TTC28: variants seen among roughly 807,000 people sequenced by gnomAD.
TTC28 encodes tetratricopeptide repeat domain 28.
A neutral mutation model predicts 198.0 loss-of-function variants in TTC28; 61 were observed. The observed-to-expected ratio is 0.31, with a 90% CI of 0.25 to 0.38. The LOEUF is 0.38. Ranked by LOEUF, TTC28 falls within the 10% of genes least tolerant of loss-of-function variation. The probability of loss-of-function intolerance (pLI) is 1.00; values close to 1 mark genes in which losing one functional copy is unlikely to be tolerated. For missense variants in TTC28, 2,678 were observed against 3,164.0 expected, an observed-to-expected ratio of 0.85 and a Z score of 3.69; for synonymous variants, 1,171 against 1,297.8, an observed-to-expected ratio of 0.90 and a Z score of 2.10.
chr22:28,032,194 TATATATATAAA>T (rs1464338612), intron 12 of TTC28, among the ~76,000 whole-genome samples: 1 of 116,204 alleles, frequency 8.6e-6, no homozygotes, highest in Non-Finnish European at 1.8e-5. Flanking sequence ...ATATAAAATA[TATATATATAAA>T]ATATATATAT....
intron 2 of TTC28, among the ~76,000 whole-genome samples, chr22:28,428,062 G>A (rs1413508670): frequency 1.3e-5 from 2 of 150,260 alleles, no homozygotes; most frequent in African/African-American, 4.9e-5. Context: ...ATTAATATAG[G>A]TATAATACTC....
intron 5 of TTC28, among the ~76,000 whole-genome samples, chr22:28,257,739 C>T (rs1047455739): frequency 8.3e-5 from 8 of 96,570 alleles, no homozygotes; most frequent in South Asian, 3.1e-4. Flanking sequence ...GGTAATAGAA[C>T]ATATATATAT....
intron 9 of TTC28, among the ~76,000 whole-genome samples, chr22:28,099,309 G>A (rs1208446624): frequency 2.6e-5 from 4 of 152,212 alleles, no homozygotes; most frequent in Non-Finnish European, 5.9e-5. Context: ...GACACCATGT[G>A]AGGCGCATTA....
chr22:28,096,088 C>T, intron 11 of TTC28, 102 bp downstream of exon 11: 4 of 1,386,414 alleles, frequency 2.9e-6, no homozygotes, highest in Non-Finnish European at 3.8e-6. Context: ...GACATCAGTT[C>T]CTTAGTATGA....
At chr22:28,081,758 C>T (rs1470428728) in intron 12 of TTC28, among the ~76,000 whole-genome samples, 1 of 152,170 alleles carries the variant, frequency 6.6e-6, no homozygotes, top group African/African-American at 2.4e-5. Context: ...TCCCAAAGTG[C>T]TGGGATTACA....
chr22:28,617,600 G>C (rs74503283), intron 2 of TTC28, among the ~76,000 whole-genome samples: 10,510 of 152,232 alleles, frequency 0.069, 527 homozygotes, highest in Non-Finnish European at 0.096. Flanking sequence ...TGAATTATAA[G>C]AACAGTCACA....
chr22:28,628,123 G>C (rs562859740), intron 2 of TTC28, among the ~76,000 whole-genome samples: 1 of 151,308 alleles, frequency 6.6e-6, no homozygotes, highest in South Asian at 2.1e-4. Flanking sequence ...CTCAAACCTG[G>C]GGGCTCAAGG....
chr22:28,261,212 T>C (rs1931296313), intron 5 of TTC28, among the ~76,000 whole-genome samples: 1 of 152,172 alleles, frequency 6.6e-6, no homozygotes, highest in Non-Finnish European at 1.5e-5. Context: ...GTTCTGGGTA[T>C]ATAACATAGA....
intron 2 of TTC28, among the ~76,000 whole-genome samples, chr22:28,435,059 A>G (rs746947727): frequency 2.0e-5 from 3 of 151,900 alleles, no homozygotes; most frequent in Admixed American, 6.6e-5. Context: ...AAATTGAGAG[A>G]TATCTACCAG....
At position 28,014,365 on chromosome 22, in the gene TTC28, G is replaced by C. The variant is rs1408770872; in HGVS notation, c.4101C>G (p.Phe1367Leu). ...CCTGGGTCGGTGACACAGTGTTACT[G>C]AACAGGCTCGTCATGCTCTGGCAGC... ...NRSCQSMTSL[F>L]SNTVSPTQDG... The change falls in exon 14 of 23, where the codon TTC becomes TTG. Residue 1367 changes from phenylalanine (F) to leucine (L), a missense_variant. By Grantham distance (22) the Phe-to-Leu change is conservative (BLOSUM62 0). Transcript: ENST00000397906. 4 of 1,551,182 alleles carry C rather than the reference G, an allele frequency of 2.6e-6. No individual in the cohort carries two copies. Among genetic ancestry groups the C allele is most frequent in the Non-Finnish European group, 3.5e-6 (4 of 1,146,844 alleles).
chr22:28,296,349 A>G (rs919547764), intron 4 of TTC28, 21 bp from the exon 5 acceptor site: 2 of 1,492,334 alleles, frequency 1.3e-6, no homozygotes, highest in African/African-American at 2.9e-5. Context: ...TTGAGAAAAA[A>G]AAAAAGAAAA....
chr22:28,388,948 TG>T (rs1207308609), intron 2 of TTC28, among the ~76,000 whole-genome samples: 1 of 152,196 alleles, frequency 6.6e-6, no homozygotes, highest in African/African-American at 2.4e-5. Flanking sequence ...TTCCAGTTTT[TG>T]CCCATTCAGT....
chr22:28,410,797 TAGAAAA>T (rs2047068973), intron 2 of TTC28, among the ~76,000 whole-genome samples: 1 of 152,026 alleles, frequency 6.6e-6, no homozygotes, highest in African/African-American at 2.4e-5. Context: ...TGCCTAGAAA[TAGAAAA>T]AAATAGTAAT....
intron 5 of TTC28, among the ~76,000 whole-genome samples, chr22:28,277,974 T>C (rs2044503330): frequency 6.6e-6 from 1 of 152,136 alleles, no homozygotes; most frequent in Non-Finnish European, 1.5e-5. Context: ...TTAGTATCTT[T>C]AGGAACAATA....
chr22:28,638,340 A>C (rs1376296645), intron 1 of TTC28, among the ~76,000 whole-genome samples: 2 of 152,136 alleles, frequency 1.3e-5, no homozygotes, highest in Non-Finnish European at 2.9e-5. Context: ...AAATAATTAA[A>C]TATTTTGAAA....
intron 2 of TTC28, among the ~76,000 whole-genome samples, chr22:28,617,997 G>T (rs567141958): frequency 1.3e-5 from 2 of 152,244 alleles, no homozygotes; most frequent in South Asian, 2.1e-4. Flanking sequence ...TGTTGGCCGG[G>T]CATGGTGGCT....
chr22:28,103,160 C>T (rs966532763), intron 8 of TTC28, among the ~76,000 whole-genome samples: 2 of 152,176 alleles, frequency 1.3e-5, no homozygotes, highest in Non-Finnish European at 2.9e-5. Flanking sequence ...GGTATCTGTC[C>T]TGCCCCAGCT....
intron 2 of TTC28, among the ~76,000 whole-genome samples, chr22:28,459,690 T>A (rs1487428578): frequency 6.6e-6 from 1 of 152,244 alleles, no homozygotes; most frequent in African/African-American, 2.4e-5. Flanking sequence ...CTCAGTCTTC[T>A]GGGCTGAGTC....
intron 12 of TTC28, among the ~76,000 whole-genome samples, chr22:28,088,282 C>A (rs1194315471): frequency 1.3e-5 from 2 of 152,094 alleles, no homozygotes; most frequent in Admixed American, 6.6e-5. Flanking sequence ...GCTACAGTAA[C>A]CAAAACAGCA....
Sources: allele counts gnomAD v4.1 joint callset (sites outside exome capture counted in the v4.1 genomes callset), GRCh38; gene constraint gnomAD v4.1.1; transcripts MANE v1.5; gene names NCBI Gene and HGNC (gene_info 2026-07-23, HGNC 2026-07-21).